The following NEGR1 variants were observed in gnomAD, a reference collection of about 807,000 sequenced individuals.
NEGR1 encodes neuronal growth regulator 1, also known as IgLON family member 4.
A neutral mutation model predicts 40.9 loss-of-function variants in NEGR1; 10 were observed. The ratio of observed to expected loss-of-function variants is 0.24; its 90% CI spans 0.15 to 0.42. NEGR1 has a LOEUF of 0.42. NEGR1 is among the 10% of genes least tolerant of loss of function. NEGR1 has a pLI of 1.00. For synonymous variants in NEGR1, 185 were observed against 166.8 expected (o/e 1.11, Z -0.84); for missense variants, 352 against 438.9 (o/e 0.80, Z 1.77).
At chr1:71,686,256 C>T (rs1653033054) in intron 4 of NEGR1, among the ~76,000 whole-genome samples, 1 of 152,012 alleles carries the variant, frequency 6.6e-6, no homozygotes, top group Non-Finnish European at 1.5e-5. Flanking sequence ...TCAGAGGAGG[C>T]TGAACTTTGG....
chr1:71,492,696 G>A (rs949389293), intron 6 of NEGR1, among the ~76,000 whole-genome samples: 1 of 152,078 alleles, frequency 6.6e-6, no homozygotes, highest in Non-Finnish European at 1.5e-5. Flanking sequence ...CACAAAGCTG[G>A]TTAGGTTAAA....
rs188677120 is a variant in NEGR1, at chr1:71,548,878, T to A, written c.940+43939A>T. Among the ~76,000 whole-genome samples, 625 of 151,824 alleles carry A rather than the reference T, an allele frequency of 4.1e-3. 6 individuals are homozygous for A. Among genetic ancestry groups the A allele is most frequent in the Middle Eastern group, 0.01 (3 of 294 alleles). On this transcript the variant is annotated intron_variant, in intron 6 of 6. Transcript: ENST00000357731. ...TTATTTGCGACTTTGTAGAGCTGAA[T>A]AACATGAGCCCCTTTGGTACAGCAA... is the stretch of plus-strand genomic sequence containing the variant.
chr1:71,718,673 A>T (rs1159105619), intron 3 of NEGR1, among the ~76,000 whole-genome samples: 1 of 152,128 alleles, frequency 6.6e-6, no homozygotes, highest in African/African-American at 2.4e-5. Context: ...TTTATCCTCA[A>T]ATAGCACTGA....
intron 2 of NEGR1, among the ~76,000 whole-genome samples, chr1:71,874,551 G>A (rs1660370590): frequency 6.6e-6 from 1 of 151,972 alleles, no homozygotes; most frequent in Admixed American, 6.6e-5. Context: ...CTACTTTATG[G>A]TGTATCTTCT....
chr1:72,207,967 A>T (rs1469727180), intron 1 of NEGR1, among the ~76,000 whole-genome samples: 2 of 151,780 alleles, frequency 1.3e-5, no homozygotes, highest in Non-Finnish European at 3.0e-5. Context: ...CGATTTAACA[A>T]GGCAATCAAA....
At chr1:71,436,229 CAAA>C (rs376091954) in intron 6 of NEGR1, among the ~76,000 whole-genome samples, 1 of 122,916 alleles carries the variant, frequency 8.1e-6, no homozygotes. Context: ...GTGAATATGG[CAAA>C]AAAAAAAAAA....
At chr1:72,049,798 T>C (rs1647040729) in intron 1 of NEGR1, among the ~76,000 whole-genome samples, 1 of 151,612 alleles carries the variant, frequency 6.6e-6, no homozygotes, top group African/African-American at 2.4e-5. Flanking sequence ...TAATAAAAGC[T>C]AAATTGTTGG....
At chr1:72,064,001 A>G (rs1162726492) in intron 1 of NEGR1, among the ~76,000 whole-genome samples, 1 of 152,004 alleles carries the variant, frequency 6.6e-6, no homozygotes, top group Admixed American at 6.6e-5. Flanking sequence ...TTAAGAAACA[A>G]TTGAAGGGAT....
chr1:72,096,224 T>A lies in NEGR1; in HGVS notation c.177-160913A>T, dbSNP rs1332978131. On this transcript the variant is annotated intron_variant, in intron 1 of 6. Coordinates refer to ENST00000357731, the MANE Select transcript of NEGR1 (RefSeq NM_173808.3). ...AACTTCATGTCATTTTAAATGTTTT[T>A]TAAAAGGAAAATGCTTCATTTATTC... Among the ~76,000 whole-genome samples, 3 of 152,188 alleles carry A rather than the reference T, an allele frequency of 2.0e-5. No individual in the cohort carries two copies. In the South Asian group the frequency reaches 6.2e-4, roughly 31 times the overall value.
chr1:71,959,992 T>A (rs1011650468), intron 1 of NEGR1, among the ~76,000 whole-genome samples: 3 of 152,178 alleles, frequency 2.0e-5, no homozygotes, highest in African/African-American at 7.2e-5. Context: ...GTATATCATA[T>A]AAATGATAAC....
At chr1:71,730,569 T>TTATA (rs56382019) in intron 3 of NEGR1, among the ~76,000 whole-genome samples, 1,404 of 134,682 alleles carry the variant, frequency 0.01, 26 homozygotes, top group South Asian at 0.042. Flanking sequence ...TAGTATAAAT[T>TTATA]TATATATATA....
chr1:71,639,387 C>A (rs1651271740), intron 4 of NEGR1, among the ~76,000 whole-genome samples: 1 of 152,068 alleles, frequency 6.6e-6, no homozygotes, highest in African/African-American at 2.4e-5. Flanking sequence ...TCAACAAAGC[C>A]GTATCTCATC....
At chr1:72,238,641 T>C (rs1205254305) in intron 1 of NEGR1, among the ~76,000 whole-genome samples, 1 of 151,974 alleles carries the variant, frequency 6.6e-6, no homozygotes, top group East Asian at 1.9e-4. Context: ...GCAAGGTGAC[T>C]TGTGATAGAA....
At chr1:71,967,659 C>T (rs953012937) in intron 1 of NEGR1, among the ~76,000 whole-genome samples, 2 of 152,066 alleles carry the variant, frequency 1.3e-5, no homozygotes, top group Non-Finnish European at 2.9e-5. Flanking sequence ...CCAAGAAACA[C>T]GTACACACAA....
At chr1:71,983,192 T>C (rs995611198) in intron 1 of NEGR1, among the ~76,000 whole-genome samples, 3 of 152,168 alleles carry the variant, frequency 2.0e-5, no homozygotes, top group Admixed American at 6.5e-5. Context: ...GTGATATTTG[T>C]AAAAACTAAG....
chr1:71,790,762 G>T (rs1657087033), intron 2 of NEGR1, among the ~76,000 whole-genome samples: 1 of 152,096 alleles, frequency 6.6e-6, no homozygotes, highest in South Asian at 2.1e-4. Context: ...CTGAGTGAAT[G>T]CTTGAGTCAA....
At chr1:71,437,617 T>A (rs1646518337) in intron 6 of NEGR1, among the ~76,000 whole-genome samples, 1 of 152,230 alleles carries the variant, frequency 6.6e-6, no homozygotes. Flanking sequence ...ACTTTGCATT[T>A]AGAAATGTTA....
At chr1:71,678,439 A>G (rs1652716730) in intron 4 of NEGR1, among the ~76,000 whole-genome samples, 2 of 152,194 alleles carry the variant, frequency 1.3e-5, no homozygotes, top group African/African-American at 4.8e-5. Context: ...ACAGTAAGTA[A>G]TGAACTTTTT....
intron 1 of NEGR1, among the ~76,000 whole-genome samples, chr1:72,118,163 G>A (rs561080558): frequency 1.8e-4 from 27 of 151,922 alleles, no homozygotes; most frequent in African/African-American, 6.3e-4. Context: ...ATAATAATAT[G>A]TGGACTTGAT....
Sources: allele counts gnomAD v4.1 joint callset (sites outside exome capture counted in the v4.1 genomes callset), GRCh38; gene constraint gnomAD v4.1.1; transcripts MANE v1.5; gene names NCBI Gene and HGNC (gene_info 2026-07-23, HGNC 2026-07-21).